The following CPED1 variants were observed in gnomAD, a reference collection of about 807,000 sequenced individuals.
CPED1 encodes cadherin like and PC-esterase domain containing 1, also known as cadherin-like and PC-esterase domain-containing protein 1.
CPED1 carries 114 observed loss-of-function variants against 128.2 expected under a neutral mutation model. That is an observed-to-expected ratio of 0.89 (90% CI 0.76 to 1.04). The LOEUF is 1.04. Ranked by LOEUF, CPED1 falls within the 50% of genes least tolerant of loss-of-function variation. The pLI is 0.00. For synonymous variants in CPED1, 462 were observed against 426.7 expected (o/e 1.08, Z -1.02); for missense variants, 1,211 against 1,207.1 (o/e 1.00, Z -0.05).
Position 121,266,743 on chromosome 7 carries a change from G to A in CPED1, c.2568G>A (p.Leu856=). ...TAGAGAATACTGGCCAGACTGTATT[G>A]GTTGTTGGTGGTGTTCAGTGGCTTA... ...RPLENTGQTV[L]VVGGVQWLNS... is the part of the protein sequence containing the mutation. Residue 856 remains leucine, a synonymous_variant, in exon 20 of 23, where the codon TTG becomes TTA. Transcript: ENST00000310396. 6.2e-7 allele frequency: 1 copy of A among 1,612,902 alleles called. No individual in the cohort carries two copies. The highest frequency in any genetic ancestry group is 8.5e-7 in the Non-Finnish European group (1 of 1,179,246).
intron 2 of CPED1, among the ~76,000 whole-genome samples, chr7:120,993,212 G>A (rs1796337493): frequency 1.3e-5 from 2 of 152,092 alleles, no homozygotes; most frequent in South Asian, 4.1e-4. Flanking sequence ...CTATTTTATA[G>A]CATCTAACAG....
chr7:121,114,831 A>G (rs1274540033), intron 7 of CPED1, among the ~76,000 whole-genome samples: 1 of 152,252 alleles, frequency 6.6e-6, no homozygotes, highest in East Asian at 1.9e-4. Context: ...GAGTTCTCAT[A>G]TAAAAATAAT....
At chr7:121,149,090 A>G (rs1228199417) in intron 16 of CPED1, among the ~76,000 whole-genome samples, 4 of 152,206 alleles carry the variant, frequency 2.6e-5, no homozygotes, top group South Asian at 2.1e-4. Context: ...ATTTAAATGC[A>G]TAACCTTTGC....
rs144280178 is a variant in CPED1, at chr7:121,025,478, G to T, written c.433+9630G>T. On this transcript the variant is annotated intron_variant, in intron 3 of 22. Coordinates refer to ENST00000310396, the MANE Select transcript of CPED1 (RefSeq NM_024913.5). The stretch of plus-strand genomic sequence containing the variant: ...CTATTTAAATAATGAATTAAGCATT[G>T]ATGTGAATTCACTGAGGTAATTTCT... Among the ~76,000 whole-genome samples the T allele has an allele frequency of 2.6e-5, 4 of 152,268 alleles. No homozygotes were observed. The East Asian group carries it at 7.7e-4, about 29-fold the overall frequency.
chr7:120,995,534 T>A (rs1796382835), intron 2 of CPED1, among the ~76,000 whole-genome samples: 1 of 152,214 alleles, frequency 6.6e-6, no homozygotes, highest in South Asian at 2.1e-4. Context: ...CCTTGGCAGA[T>A]GACATATCAC....
intron 16 of CPED1, among the ~76,000 whole-genome samples, chr7:121,146,765 C>T (rs967066418): frequency 2.0e-5 from 3 of 151,976 alleles, no homozygotes; most frequent in African/African-American, 7.2e-5. Flanking sequence ...TATTTTTATG[C>T]TAACTAGAAT....
intron 5 of CPED1, chr7:121,083,723 G>A (rs1484708459): frequency 6.6e-6 from 1 of 152,100 alleles, no homozygotes; most frequent in Non-Finnish European, 1.5e-5. Flanking sequence ...TTTGTGCTTC[G>A]CTTTTCTTCC....
intron 3 of CPED1, among the ~76,000 whole-genome samples, chr7:121,030,616 T>A (rs1792704819): frequency 6.6e-6 from 1 of 152,226 alleles, no homozygotes; most frequent in African/African-American, 2.4e-5. Context: ...CTTATTTTAC[T>A]TAATGGCCCC....
At chr7:121,055,168 G>A (rs1282813373) in intron 4 of CPED1, among the ~76,000 whole-genome samples, 2 of 152,218 alleles carry the variant, frequency 1.3e-5, no homozygotes, top group East Asian at 3.9e-4. Flanking sequence ...ATAAACCTTT[G>A]CATAGAGGTT....
At chr7:121,219,735 C>T (rs1331996803) in intron 16 of CPED1, among the ~76,000 whole-genome samples, 1 of 152,008 alleles carries the variant, frequency 6.6e-6, no homozygotes, top group East Asian at 1.9e-4. Flanking sequence ...CCATTCCAAA[C>T]ATAAACAGCA....
chr7:121,159,775 CAT>C (rs1171481412), intron 16 of CPED1, among the ~76,000 whole-genome samples: 2 of 152,158 alleles, frequency 1.3e-5, no homozygotes, highest in African/African-American at 2.4e-5. Context: ...CATGCACACA[CAT>C]GGTAAACTTC....
At chr7:121,181,232 A>C (rs193167380) in intron 16 of CPED1, among the ~76,000 whole-genome samples, 1 of 152,174 alleles carries the variant, frequency 6.6e-6, no homozygotes, top group East Asian at 1.9e-4. Flanking sequence ...TTTGCTTGAC[A>C]TGCAAGTATA....
intron 16 of CPED1, among the ~76,000 whole-genome samples, chr7:121,200,502 T>C (rs1257472572): frequency 6.6e-6 from 1 of 152,064 alleles, no homozygotes; most frequent in East Asian, 1.9e-4. Context: ...AATTTGGAAA[T>C]TGGAAAAAGG....
chr7:121,273,650 G>T (rs1477186261), intron 22 of CPED1, among the ~76,000 whole-genome samples: 1 of 152,018 alleles, frequency 6.6e-6, no homozygotes, highest in Non-Finnish European at 1.5e-5. Flanking sequence ...TGACCAAATG[G>T]AACTGCATTT....
At chr7:121,262,758 T>C (rs1276937822) in intron 18 of CPED1, among the ~76,000 whole-genome samples, 1 of 152,034 alleles carries the variant, frequency 6.6e-6, no homozygotes, top group Non-Finnish European at 1.5e-5. Flanking sequence ...CCAAACTGAA[T>C]GGCCTAAAAT....
In CPED1 at chr7:120,989,427, T is replaced by TG. The variant is rs1562982671; in HGVS notation, c.-195_-194insG. 1 of 611,290 alleles carries TG rather than the reference T, an allele frequency of 1.6e-6. No individual in the cohort carries two copies. Among genetic ancestry groups the TG allele is most frequent in the Non-Finnish European group, 2.8e-6 (1 of 353,582 alleles). The allele number at this position is 611,290 out of a possible 1,614,324, so 37.9% of individuals were successfully genotyped here. ...TTGACTGTCATCCATGGAAGAGCTC[T>TG]TATTAAAAGCCTCAGACTTTCGGGA... On this transcript the variant is annotated 5_prime_UTR_variant, in exon 2 of 23. The change abolishes the stop of an existing upstream ORF in the 5' untranslated region. Transcript: ENST00000310396.
At chr7:121,111,778 G>A (rs749753435) in intron 7 of CPED1, among the ~76,000 whole-genome samples, 16 of 152,072 alleles carry the variant, frequency 1.1e-4, no homozygotes, top group South Asian at 2.1e-4. Context: ...AAGGAGATGC[G>A]GGCTCCATTT....
At chr7:121,078,632 G>A (rs560293093) in intron 5 of CPED1, among the ~76,000 whole-genome samples, 24 of 151,618 alleles carry the variant, frequency 1.6e-4, no homozygotes, top group Admixed American at 5.3e-4. Flanking sequence ...TTCTGCAGAT[G>A]GGCTTTCTCC....
chr7:121,045,517 C>G (rs1328889263), intron 3 of CPED1, among the ~76,000 whole-genome samples: 2 of 152,148 alleles, frequency 1.3e-5, no homozygotes, highest in Non-Finnish European at 1.5e-5. Flanking sequence ...CTTATTAATA[C>G]TTTTCTCATA....
Sources: gnomAD v4.1 joint callset for allele counts (sites outside exome capture counted in the v4.1 genomes callset) on GRCh38, gnomAD v4.1.1 for gene constraint, MANE v1.5 for transcripts, NCBI Gene and HGNC (gene_info 2026-07-23, HGNC 2026-07-21) for gene names.